Variants in CHST11 observed in about 807,000 individuals in gnomAD.
CHST11 encodes carbohydrate sulfotransferase 11.
In CHST11, 9 loss-of-function variants were observed where a neutral mutation model predicts 30.4. The ratio of observed to expected loss-of-function variants is 0.30; its 90% CI spans 0.18 to 0.52. The LOEUF (loss-of-function observed/expected upper bound fraction) is 0.52, where lower values mean the gene tolerates loss of function less well. Among genes scored for constraint, CHST11 ranks in the 20% least tolerant of loss-of-function variants. The probability of loss-of-function intolerance (pLI) is 0.97; values close to 1 mark genes in which losing one functional copy is unlikely to be tolerated. For missense variants in CHST11, 348 were observed against 460.6 expected, an observed-to-expected ratio of 0.76 and a Z score of 2.24; for synonymous variants, 152 against 187.8, an observed-to-expected ratio of 0.81 and a Z score of 1.56.
chr12:104,714,738 G>A (rs1306417875), intron 2 of CHST11, among the ~76,000 whole-genome samples: 4 of 152,122 alleles, frequency 2.6e-5, no homozygotes, highest in East Asian at 3.8e-4. Context: ...TAGGTGCAGC[G>A]TGGGGTAGAG....
chr12:104,649,040 A>G (rs1176258152), intron 2 of CHST11, among the ~76,000 whole-genome samples: 1 of 152,006 alleles, frequency 6.6e-6, no homozygotes, highest in Non-Finnish European at 1.5e-5. Context: ...TGTTGGCCAA[A>G]CTGAAACAGA....
At chr12:104,495,126 C>T (rs954916717) in intron 1 of CHST11, among the ~76,000 whole-genome samples, 1 of 152,178 alleles carries the variant, frequency 6.6e-6, no homozygotes, top group Non-Finnish European at 1.5e-5. Flanking sequence ...CCTCAGAGTT[C>T]GTCCATGTTG....
chr12:104,660,849 G>A (rs771771344), intron 2 of CHST11, among the ~76,000 whole-genome samples: 3 of 152,190 alleles, frequency 2.0e-5, no homozygotes, highest in Non-Finnish European at 4.4e-5. Context: ...ATACAGGGAA[G>A]GAGTTATAGT....
intron 1 of CHST11, among the ~76,000 whole-genome samples, chr12:104,592,909 T>C (rs2038874385): frequency 6.6e-6 from 1 of 152,162 alleles, no homozygotes; most frequent in Non-Finnish European, 1.5e-5. Flanking sequence ...GCTGGGGCCA[T>C]TGGTTTGGGG....
chr12:104,557,330 G>C (rs1221131514), intron 1 of CHST11, among the ~76,000 whole-genome samples: 1 of 152,230 alleles, frequency 6.6e-6, no homozygotes, highest in Non-Finnish European at 1.5e-5. Flanking sequence ...CTGGGAACCT[G>C]GTTGCTGGAG....
chr12:104,632,913 T>C (rs1200321213), intron 2 of CHST11, among the ~76,000 whole-genome samples: 1 of 152,242 alleles, frequency 6.6e-6, no homozygotes, highest in Non-Finnish European at 1.5e-5. Flanking sequence ...GCTGCGGTCC[T>C]CCCTGGAGGG....
At chr12:104,574,839 C>G (rs1290658828) in intron 1 of CHST11, among the ~76,000 whole-genome samples, 2 of 148,390 alleles carry the variant, frequency 1.3e-5, no homozygotes, top group Non-Finnish European at 3.0e-5. Flanking sequence ...CACATGTACC[C>G]TAAAACTTAA....
intron 2 of CHST11, among the ~76,000 whole-genome samples, chr12:104,743,061 C>A (rs1032593983): frequency 1.8e-4 from 27 of 152,210 alleles, no homozygotes; most frequent in African/African-American, 6.3e-4. Context: ...CCCGAACAAT[C>A]CCTGCTGTCC....
intron 2 of CHST11, among the ~76,000 whole-genome samples, chr12:104,734,688 C>A (rs2040284739): frequency 6.6e-6 from 1 of 152,186 alleles, no homozygotes; most frequent in African/African-American, 2.4e-5. Context: ...GATACCCAGT[C>A]AGCCACCAAC....
At chr12:104,622,229 A>C (rs886670923) in intron 2 of CHST11, among the ~76,000 whole-genome samples, 1 of 152,220 alleles carries the variant, frequency 6.6e-6, no homozygotes, top group Non-Finnish European at 1.5e-5. Flanking sequence ...GTACATATTC[A>C]TAAGAACTCT....
At chr12:104,633,803 C>T (rs1054947061) in intron 2 of CHST11, among the ~76,000 whole-genome samples, 26 of 152,092 alleles carry the variant, frequency 1.7e-4, no homozygotes, top group African/African-American at 5.6e-4. Context: ...TGTGATCTGG[C>T]CCCTGCCTAC....
chr12:104,700,790 A>G (rs2039985565), intron 2 of CHST11, among the ~76,000 whole-genome samples: 1 of 152,202 alleles, frequency 6.6e-6, no homozygotes, highest in Non-Finnish European at 1.5e-5. Flanking sequence ...TGAAAGGATT[A>G]AGATGTAAAC....
At chr12:104,502,987 C>T (rs1166000292) in intron 1 of CHST11, among the ~76,000 whole-genome samples, 1 of 152,188 alleles carries the variant, frequency 6.6e-6, no homozygotes, top group Non-Finnish European at 1.5e-5. Context: ...TAGCAAGCTC[C>T]CAGGTGATGC....
intron 1 of CHST11, among the ~76,000 whole-genome samples, chr12:104,562,296 T>A (rs2038521333): frequency 6.6e-6 from 1 of 152,058 alleles, no homozygotes; most frequent in African/African-American, 2.4e-5. Context: ...CAGCTCTAGG[T>A]GGACAGATAT....
intron 1 of CHST11, among the ~76,000 whole-genome samples, chr12:104,546,461 CAAAAA>C (rs760073702): frequency 1.5e-5 from 1 of 66,816 alleles, no homozygotes; most frequent in African/African-American, 4.6e-5. Context: ...GACCCTGTCT[CAAAAA>C]AAAAAAAAAA....
chr12:104,595,139 A>C (rs1026866518), intron 1 of CHST11, among the ~76,000 whole-genome samples: 6 of 152,096 alleles, frequency 3.9e-5, no homozygotes, highest in African/African-American at 1.4e-4. Flanking sequence ...TTACCGAGAC[A>C]AGGAGTTTGT....
intron 1 of CHST11, among the ~76,000 whole-genome samples, chr12:104,460,057 G>C (rs1274086123): frequency 6.6e-6 from 1 of 152,180 alleles, no homozygotes. Context: ...AAGCTACACT[G>C]TTAATGACCA....
chr12:104,669,446 G>T (rs992950175), intron 2 of CHST11, among the ~76,000 whole-genome samples: 14 of 152,238 alleles, frequency 9.2e-5, no homozygotes, highest in African/African-American at 3.1e-4. Context: ...GAAAAGGGAT[G>T]CTTCTAGGTC....
At chr12:104,482,539 A>T (rs2135961777) in intron 1 of CHST11, among the ~76,000 whole-genome samples, 1 of 152,190 alleles carries the variant, frequency 6.6e-6, no homozygotes, top group South Asian at 2.1e-4. Flanking sequence ...TTTCCCACAG[A>T]GGAAAGGCTC....
Sources: allele counts gnomAD v4.1 joint callset (sites outside exome capture counted in the v4.1 genomes callset), GRCh38; gene constraint gnomAD v4.1.1; transcripts MANE v1.5; gene names NCBI Gene and HGNC (gene_info 2026-07-23, HGNC 2026-07-21).